Variants in PAPOLA observed in about 807,000 individuals in gnomAD.
PAPOLA encodes polynucleotide adenylyltransferase alpha.
In PAPOLA, 15 loss-of-function variants were observed where a neutral mutation model predicts 100.6. The observed-to-expected ratio is 0.15, with a 90% CI of 0.10 to 0.23. The LOEUF (loss-of-function observed/expected upper bound fraction) is 0.23, where lower values mean the gene tolerates loss of function less well. Ranked by LOEUF, PAPOLA falls within the 10% of genes least tolerant of loss-of-function variation. The pLI, the probability that PAPOLA is intolerant of heterozygous loss-of-function variation, is 1.00. For missense variants in PAPOLA, 533 were observed against 884.2 expected (o/e 0.60, Z 5.04); for synonymous variants, 293 against 300.0 (o/e 0.98, Z 0.24).
chr14:96,513,402 A>T (rs190157971), intron 1 of PAPOLA, among the ~76,000 whole-genome samples: 2 of 152,266 alleles, frequency 1.3e-5, no homozygotes, highest in East Asian at 1.9e-4. Context: ...TTTATATTTT[A>T]AAAATGTGTG....
chr14:96,534,020 T>C (rs570928469), intron 9 of PAPOLA: 1 of 986,732 alleles, frequency 1.0e-6, no homozygotes, highest in East Asian at 1.1e-4. Context: ...CACCAAGTTT[T>C]ACTACTACAC....
chr14:96,540,910 G>A (rs909125347), intron 12 of PAPOLA, among the ~76,000 whole-genome samples: 1 of 152,010 alleles, frequency 6.6e-6, no homozygotes, highest in South Asian at 2.1e-4. Flanking sequence ...GTTTTGAGAC[G>A]GAGTCTCGCT....
chr14:96,547,880 C>T lies in PAPOLA; in HGVS notation c.1483C>T (p.Gln495Ter). 1 of 1,610,328 alleles carries T rather than the reference C, an allele frequency of 6.2e-7. No homozygotes were observed. Among genetic ancestry groups the T allele is most frequent in the Non-Finnish European group, 8.5e-7 (1 of 1,177,776 alleles). Reference sequence around the variant, plus strand: ...GCATGTAAAAAGAAAGCAACTCCATCAACTACTACCTAATCATGTGCTTCA... The same window carrying T: ...GCATGTAAAAAGAAAGCAACTCCATTAACTACTACCTAATCATGTGCTTCA... ...AMHVKRKQLH[Q>*]LLPNHVLQKK... is the part of the protein sequence containing the mutation. Residue 495 changes from glutamine to a stop codon, truncating the protein, a stop_gained, in exon 16 of 22, where the codon CAA becomes TAA. Coordinates refer to ENST00000216277, the MANE Select transcript of PAPOLA (RefSeq NM_032632.5). LOFTEE classifies it high-confidence loss of function.
intron 16 of PAPOLA, among the ~76,000 whole-genome samples, chr14:96,552,171 C>G (rs1900894852): frequency 6.6e-6 from 1 of 152,038 alleles, no homozygotes; most frequent in Non-Finnish European, 1.5e-5. Context: ...ATTTGAGATT[C>G]TTGTGTTTTT....
At chr14:96,540,522 G>C (rs527799067) in intron 12 of PAPOLA, among the ~76,000 whole-genome samples, 1 of 151,840 alleles carries the variant, frequency 6.6e-6, no homozygotes, top group Non-Finnish European at 1.5e-5. Context: ...TTGGAACTCC[G>C]AGTATGGGTT....
intron 5 of PAPOLA, chr14:96,527,747 A>G (rs891466359): frequency 2.6e-5 from 16 of 612,244 alleles, no homozygotes; most frequent in African/African-American, 2.6e-4. Flanking sequence ...GGCAAACAAA[A>G]TAAATATGAA....
rs976491647 is a variant in PAPOLA at position 96,547,997 on chromosome 14, G to C, written c.1521+79G>C. On this transcript the variant is annotated intron_variant, in intron 16 of 21. Transcript: ENST00000216277. Reference sequence around the variant, plus strand: ...TGGACTATCATTATTTCAGAATTTAGGCTCAGTTAATAAGTCATTTTAAAT... The same window carrying C: ...TGGACTATCATTATTTCAGAATTTACGCTCAGTTAATAAGTCATTTTAAAT... 3 of 1,240,676 alleles carry C rather than the reference G, an allele frequency of 2.4e-6. No individual in the cohort carries two copies. The African/African-American group carries it at 4.6e-5, about 19-fold the overall frequency. 76.9% of individuals were successfully genotyped at this position (1,240,676 alleles called of 1,614,324 possible). A position where few individuals can be genotyped will look rare whatever the true frequency, so the allele number is the denominator to read the frequency against.
intron 14 of PAPOLA, among the ~76,000 whole-genome samples, chr14:96,543,765 G>A (rs1900178916): frequency 6.6e-6 from 1 of 151,924 alleles, no homozygotes; most frequent in Non-Finnish European, 1.5e-5. Context: ...TATCTATTAA[G>A]TTCTAGTTAA....
rs184680822 is a variant in PAPOLA at position 96,566,060 on chromosome 14, T to C, written c.*1010T>C. On this transcript the variant is annotated 3_prime_UTR_variant, in exon 22 of 22. Transcript: ENST00000216277. ...AGTAATGCCTGTGAAACATGATATC[T>C]ATCTGGGATGGCCATTTGATCTCTA... 37 of 395,986 alleles carry C rather than the reference T, an allele frequency of 9.3e-5. No individual in the cohort carries two copies. The highest frequency in any genetic ancestry group is 7.6e-4 in the African/African-American group (37 of 48,660). 24.5% of individuals were successfully genotyped at this position (395,986 alleles called of 1,614,324 possible).
chr14:96,522,591 G>T (rs940175625), intron 3 of PAPOLA, among the ~76,000 whole-genome samples: 35 of 152,006 alleles, frequency 2.3e-4, no homozygotes, highest in African/African-American at 7.7e-4. Flanking sequence ...TTTTTGTAGC[G>T]ATGGCTTTTC....
chr14:96,563,893 A>G (rs1351780343), intron 21 of PAPOLA, among the ~76,000 whole-genome samples: 1 of 152,052 alleles, frequency 6.6e-6, no homozygotes. Flanking sequence ...GGTTTGCCAC[A>G]TACTCTCGGG....
At chr14:96,518,422 T>G (rs1229374306) in intron 1 of PAPOLA, among the ~76,000 whole-genome samples, 6 of 151,996 alleles carry the variant, frequency 3.9e-5, no homozygotes, top group Non-Finnish European at 7.4e-5. Flanking sequence ...TGCTTTTTTT[T>G]TTTTGAGACG....
intron 12 of PAPOLA, among the ~76,000 whole-genome samples, chr14:96,540,188 G>GTA (rs1333541599): frequency 6.6e-6 from 1 of 152,144 alleles, no homozygotes; most frequent in Non-Finnish European, 1.5e-5. Flanking sequence ...AAAGAACATT[G>GTA]TATATCATTT....
chr14:96,560,603 C>G (rs1388149952), intron 19 of PAPOLA, 46 bp from the exon 20 acceptor site: 2 of 1,293,460 alleles, frequency 1.5e-6, no homozygotes, highest in East Asian at 2.3e-5. Context: ...GGCAAATAAT[C>G]TAAATTTTTC....
At chr14:96,509,693 C>T (rs955269947) in intron 1 of PAPOLA, among the ~76,000 whole-genome samples, 111 of 152,276 alleles carry the variant, frequency 7.3e-4, no homozygotes, top group African/African-American at 2.4e-3. Context: ...CAGCATGTTA[C>T]TGTACCGAAT....
At position 96,547,514 on chromosome 14, in the gene PAPOLA, T is replaced by C. The variant is rs191662938; in HGVS notation, c.1400-283T>C. 1.3e-4 allele frequency among the ~76,000 whole-genome samples: 20 copies of C among 152,272 alleles called. 1 individual carries two copies. Among genetic ancestry groups the C allele is most frequent in the Admixed American group, 5.2e-4 (8 of 15,290 alleles). ...ACCCTTTTCCCCTCATTTCTGCCAT[T>C]TCTTAAAGAGTTACTCTTTAGAGTT... On this transcript the variant is annotated intron_variant, in intron 15 of 21. Transcript: ENST00000216277.
chr14:96,536,778 T>G, intron 11 of PAPOLA, 198 bp from the exon 12 acceptor site: 1 of 415,548 alleles, frequency 2.4e-6, no homozygotes, highest in East Asian at 3.5e-5. Context: ...GAAACCTGGT[T>G]CTCAAAAAAT....
At position 96,565,358 on chromosome 14, in the gene PAPOLA, T is replaced by C; in HGVS notation, c.*308T>C. The C allele has an allele frequency of 3.3e-6, 1 of 303,258 alleles. No individual in the cohort carries two copies. Among genetic ancestry groups the C allele is most frequent in the East Asian group, 5.4e-5 (1 of 18,626 alleles). The allele number at this position is 303,258 out of a possible 1,614,324, so 18.8% of individuals were successfully genotyped here. The stretch of plus-strand genomic sequence containing the variant: ...ACATCTGGATTGGGTTTATGTTTGA[T>C]GCATTGTTTGGAAAATTTGCAATAC... On this transcript the variant is annotated 3_prime_UTR_variant, in exon 22 of 22. Coordinates refer to ENST00000216277, the MANE Select transcript of PAPOLA (RefSeq NM_032632.5).
intron 14 of PAPOLA, 136 bp from the exon 15 acceptor site, chr14:96,544,013 T>C (rs1900193761): frequency 3.3e-6 from 2 of 614,968 alleles, no homozygotes; most frequent in South Asian, 4.0e-5. Flanking sequence ...TGCGTTTTCA[T>C]GGAGCTTGGG....
Sources: gnomAD v4.1 joint callset for allele counts (sites outside exome capture counted in the v4.1 genomes callset) on GRCh38, gnomAD v4.1.1 for gene constraint, MANE v1.5 for transcripts, NCBI Gene and HGNC (gene_info 2026-07-23, HGNC 2026-07-21) for gene names.